ZMAT4: variants seen among roughly 807,000 people sequenced by gnomAD.
ZMAT4 encodes the protein zinc finger matrin-type protein 4.
ZMAT4 carries 17 observed loss-of-function variants against 28.7 expected under a neutral mutation model. That is an observed-to-expected ratio of 0.59 (90% CI 0.41 to 0.89). ZMAT4 has a LOEUF of 0.89. Among genes scored for constraint, ZMAT4 ranks in the 40% least tolerant of loss-of-function variants. The pLI is 0.00. For missense variants in ZMAT4, 240 were observed against 283.8 expected, an observed-to-expected ratio of 0.85 and a Z score of 1.11; for synonymous variants, 117 against 109.2, an observed-to-expected ratio of 1.07 and a Z score of -0.44.
intron 1 of ZMAT4, among the ~76,000 whole-genome samples, chr8:40,860,370 C>T (rs937522006): frequency 2.0e-5 from 3 of 152,192 alleles, no homozygotes; most frequent in Non-Finnish European, 2.9e-5. Flanking sequence ...GCAGGATTTA[C>T]AGGCATAATT....
Position 40,823,146 on chromosome 8 carries a change from G to C in ZMAT4, c.102+2429C>G, listed in dbSNP as rs540840890. ...TTTTTCACACACCCACCCCCTCCACGAACCCTCACTGAACACCTGTCATGG... is the reference window on the plus strand; with the variant it reads ...TTTTTCACACACCCACCCCCTCCACCAACCCTCACTGAACACCTGTCATGG... On this transcript the variant is annotated intron_variant, in intron 2 of 6. Coordinates refer to ENST00000297737, the MANE Select transcript of ZMAT4 (RefSeq NM_024645.3). 1.8e-3 allele frequency among the ~76,000 whole-genome samples: 277 copies of C among 151,946 alleles called. 1 individual carries two copies. The highest frequency in any genetic ancestry group is 6.4e-3 in the African/African-American group (265 of 41,424).
chr8:40,561,760 C>T (rs977181535), intron 6 of ZMAT4, among the ~76,000 whole-genome samples: 7 of 152,110 alleles, frequency 4.6e-5, no homozygotes, highest in Admixed American at 1.3e-4. Context: ...TTTCTCAAAA[C>T]ATTATGAGAG....
At chr8:40,728,501 T>C (rs549798853) in intron 3 of ZMAT4, among the ~76,000 whole-genome samples, 2 of 152,306 alleles carry the variant, frequency 1.3e-5, no homozygotes, top group South Asian at 4.1e-4. Context: ...TGGAGGGCCA[T>C]TGTGTGCCAT....
intron 5 of ZMAT4, among the ~76,000 whole-genome samples, chr8:40,664,491 C>T (rs1563397150): frequency 6.6e-6 from 1 of 152,230 alleles, no homozygotes; most frequent in Non-Finnish European, 1.5e-5. Context: ...ACCCCATTAT[C>T]ATCCATCTGT....
At chr8:40,773,227 A>G (rs183201328) in intron 2 of ZMAT4, among the ~76,000 whole-genome samples, 3 of 152,302 alleles carry the variant, frequency 2.0e-5, no homozygotes, top group South Asian at 2.1e-4. Flanking sequence ...CTAAAACTCT[A>G]GGAAGAGAAA....
intron 2 of ZMAT4, among the ~76,000 whole-genome samples, chr8:40,775,873 G>A (rs1032625264): frequency 2.0e-4 from 31 of 152,232 alleles, no homozygotes; most frequent in South Asian, 4.2e-4. Flanking sequence ...TGATAGGACC[G>A]GTGTCTTTAT....
intron 5 of ZMAT4, among the ~76,000 whole-genome samples, chr8:40,617,170 AT>A (rs1339907108): frequency 6.6e-6 from 1 of 152,182 alleles, no homozygotes; most frequent in Non-Finnish European, 1.5e-5. Context: ...TATATTATAT[AT>A]TGTTAACAAA....
At chr8:40,890,979 C>T (rs750674991) in intron 1 of ZMAT4, among the ~76,000 whole-genome samples, 1 of 151,760 alleles carries the variant, frequency 6.6e-6, no homozygotes, top group African/African-American at 2.4e-5. Context: ...ACCCTACACC[C>T]AGATGCACTC....
chr8:40,648,384 A>G lies in ZMAT4; in HGVS notation c.577+26320T>C, dbSNP rs1271152460. The stretch of plus-strand genomic sequence containing the variant: ...AGGGAAGTTTAGAGAAAAAAGAATA[A>G]AAAGAAATGAGCAAAGCCTCCAAGA... On this transcript the variant is annotated intron_variant, in intron 5 of 6. Coordinates refer to ENST00000297737, the MANE Select transcript of ZMAT4 (RefSeq NM_024645.3). 1.3e-3 allele frequency among the ~76,000 whole-genome samples: 194 copies of G among 149,340 alleles called. 1 individual carries two copies. The highest frequency in any genetic ancestry group is 4.7e-3 in the African/African-American group (191 of 40,758).
chr8:40,739,298 C>T (rs964567127), intron 3 of ZMAT4, among the ~76,000 whole-genome samples: 3 of 152,156 alleles, frequency 2.0e-5, no homozygotes, highest in South Asian at 2.1e-4. Flanking sequence ...AGACCCTTCT[C>T]GTAACTTTAA....
At chr8:40,533,278 C>T (rs1431495335) in intron 6 of ZMAT4, among the ~76,000 whole-genome samples, 1 of 152,138 alleles carries the variant, frequency 6.6e-6, no homozygotes, top group African/African-American at 2.4e-5. Flanking sequence ...AGCAGTGGAA[C>T]TTGAACCCTG....
intron 1 of ZMAT4, among the ~76,000 whole-genome samples, chr8:40,888,965 C>T (rs1008958610): frequency 6.6e-6 from 1 of 152,200 alleles, no homozygotes; most frequent in African/African-American, 2.4e-5. Flanking sequence ...CATGGAACCC[C>T]CAGAGTAGCC....
intron 2 of ZMAT4, among the ~76,000 whole-genome samples, chr8:40,769,952 A>G (rs142578595): frequency 2.6e-5 from 4 of 152,264 alleles, no homozygotes; most frequent in Non-Finnish European, 5.9e-5. Context: ...TGAAGCCATT[A>G]GTGATGTGAG....
intron 3 of ZMAT4, among the ~76,000 whole-genome samples, chr8:40,737,733 C>T (rs1233298165): frequency 1.3e-5 from 2 of 151,194 alleles, no homozygotes; most frequent in African/African-American, 2.4e-5. Context: ...ATACATATAG[C>T]GGAAAATCGC....
intron 3 of ZMAT4, among the ~76,000 whole-genome samples, chr8:40,750,521 A>G (rs977606832): frequency 6.6e-6 from 1 of 152,354 alleles, no homozygotes; most frequent in East Asian, 1.9e-4. Context: ...GGACCCAGAC[A>G]TAGAAGGAAA....
At chr8:40,642,798 G>C (rs1807102909) in intron 5 of ZMAT4, among the ~76,000 whole-genome samples, 1 of 152,172 alleles carries the variant, frequency 6.6e-6, no homozygotes, top group African/African-American at 2.4e-5. Flanking sequence ...TGCTCAGAAG[G>C]AGCAGAGATC....
At chr8:40,844,508 TG>T (rs1816811956) in intron 1 of ZMAT4, among the ~76,000 whole-genome samples, 1 of 152,210 alleles carries the variant, frequency 6.6e-6, no homozygotes, top group Non-Finnish European at 1.5e-5. Context: ...CTAGCTTTCC[TG>T]GTTCTCCAGC....
intron 5 of ZMAT4, among the ~76,000 whole-genome samples, chr8:40,635,642 C>T (rs1806763035): frequency 2.0e-5 from 3 of 152,182 alleles, no homozygotes; most frequent in Admixed American, 2.0e-4. Flanking sequence ...ATGTCTCAGA[C>T]AGAGCACCAG....
chr8:40,833,494 G>C (rs1816360251), intron 1 of ZMAT4, among the ~76,000 whole-genome samples: 1 of 146,086 alleles, frequency 6.8e-6, no homozygotes, highest in Non-Finnish European at 1.5e-5. Flanking sequence ...CTTGAACCCG[G>C]CAGGCAGAGG....
Sources: gnomAD v4.1 joint callset for allele counts (sites outside exome capture counted in the v4.1 genomes callset) on GRCh38, gnomAD v4.1.1 for gene constraint, MANE v1.5 for transcripts, NCBI Gene and HGNC (gene_info 2026-07-23, HGNC 2026-07-21) for gene names.